The following DEPDC4 variants were observed in gnomAD, a reference collection of about 807,000 sequenced individuals.
DEPDC4 encodes the protein DEP domain-containing protein 4.
A neutral mutation model predicts 52.0 loss-of-function variants in DEPDC4; 52 were observed. That is an observed-to-expected ratio of 1.00 (90% CI 0.80 to 1.26). The LOEUF (loss-of-function observed/expected upper bound fraction) is 1.26. Ranked by LOEUF, DEPDC4 falls within the 50% of genes most tolerant of loss-of-function variation. DEPDC4 has a pLI of 0.00. For missense variants in DEPDC4, 530 were observed against 546.9 expected (o/e 0.97, Z 0.31); for synonymous variants, 201 against 196.8 (o/e 1.02, Z -0.18).
intron 3 of DEPDC4, among the ~76,000 whole-genome samples, chr12:100,259,076 A>AT (rs1287389700): frequency 5.3e-4 from 78 of 148,032 alleles, no homozygotes; most frequent in Middle Eastern, 6.8e-3. Context: ...GTCTCAAAAA[A>AT]AAAAAATATA....
intron 5 of DEPDC4, among the ~76,000 whole-genome samples, chr12:100,253,003 G>A (rs1440206334): frequency 6.6e-6 from 1 of 151,896 alleles, no homozygotes; most frequent in Admixed American, 6.6e-5. Flanking sequence ...TACAAGCTCC[G>A]CCTCCCGAGT....
At chr12:100,271,111 A>G (rs144986610), upstream of DEPDC4, among the ~76,000 whole-genome samples, 3 of 152,258 alleles carry the variant, frequency 2.0e-5, no homozygotes, top group African/African-American at 2.4e-5. Context: ...TGTATAGAAC[A>G]AAGAAGAGCA....
At chr12:100,274,877 C>T in the DEPDC4 span, among the ~76,000 whole-genome samples, 2 of 152,286 alleles carry the variant, frequency 1.3e-5, no homozygotes, top group Admixed American at 1.3e-4. Flanking sequence ...TTAGTAAAGC[C>T]TGTGGATCCC....
intron 7 of DEPDC4, among the ~76,000 whole-genome samples, chr12:100,249,966 G>T (rs1201834950): frequency 6.6e-6 from 1 of 152,142 alleles, no homozygotes; most frequent in South Asian, 2.1e-4. Flanking sequence ...AGAGAAAGAG[G>T]CCAGAGTGAA....
rs1555312802 is a variant in DEPDC4 at position 100,259,081 on chromosome 12, A to AATATATATATATAT, written c.701-2869_701-2856dup. On this transcript the variant is annotated intron_variant, in intron 3 of 9. Coordinates refer to ENST00000550587, the MANE Select transcript of DEPDC4 (RefSeq NM_001364818.2). ...GCAAAAATCTGTCTCAAAAAAAAAA[A>AATATATATATATAT]ATATATATATATATCCCATGTACCC... Among the ~76,000 whole-genome samples, 277 of 149,160 alleles carry AATATATATATATAT rather than the reference A, an allele frequency of 1.9e-3. 1 individual carries two copies. The highest frequency in any genetic ancestry group is 3.4e-3 in the Middle Eastern group (1 of 292).
In DEPDC4 at chr12:100,241,248, C is replaced by T. The variant is rs1475550022; in HGVS notation, c.*644G>A. Among the ~76,000 whole-genome samples, 1 of 152,114 alleles carries T rather than the reference C, an allele frequency of 6.6e-6. No individual in the cohort carries two copies. The highest frequency in any genetic ancestry group is 6.6e-5 in the Admixed American group (1 of 15,264). On this transcript the variant is annotated 3_prime_UTR_variant, in exon 10 of 10. Coordinates refer to ENST00000550587, the MANE Select transcript of DEPDC4 (RefSeq NM_001364818.2). ...TGGAAAAAAAAGGAAATTAACTGTACTAGATCCCTAATAATAGCAGCACAT... is the reference window on the plus strand; with the variant it reads ...TGGAAAAAAAAGGAAATTAACTGTATTAGATCCCTAATAATAGCAGCACAT...
At chr12:100,269,801 A>G (rs2096285352), upstream of DEPDC4, among the ~76,000 whole-genome samples, 2 of 152,164 alleles carry the variant, frequency 1.3e-5, no homozygotes, top group South Asian at 2.1e-4. Flanking sequence ...GAGCTTTCTC[A>G]GGATACAGAT....
chr12:100,261,736 T>C (rs946971529), intron 3 of DEPDC4: 2 of 456,600 alleles, frequency 4.4e-6, no homozygotes, highest in African/African-American at 4.0e-5. Context: ...TCACCTGTCT[T>C]ATCTGATGTA....
chr12:100,244,448 T>C (rs1356578724), intron 8 of DEPDC4, among the ~76,000 whole-genome samples: 2 of 151,822 alleles, frequency 1.3e-5, no homozygotes, highest in African/African-American at 4.8e-5. Flanking sequence ...CCCAAAGTGC[T>C]GGGATTACAG....
chr12:100,270,132 G>A (rs1255823362), upstream of DEPDC4, among the ~76,000 whole-genome samples: 1 of 151,750 alleles, frequency 6.6e-6, no homozygotes, highest in African/African-American at 2.4e-5. Context: ...GACTACAGGC[G>A]CCCACCACCA....
Position 100,241,035 on chromosome 12 carries a change from G to C in DEPDC4, c.*857C>G, listed in dbSNP as rs930249768. On this transcript the variant is annotated 3_prime_UTR_variant, in exon 10 of 10. Coordinates refer to ENST00000550587, the MANE Select transcript of DEPDC4 (RefSeq NM_001364818.2). ...TGCCACTGCACTCCAGCCTGGGACA[G>C]AGCAAGACTCCATTTCAAAAACAAA... Among the ~76,000 whole-genome samples the C allele has an allele frequency of 6.6e-6, 1 of 152,136 alleles. No individual in the cohort carries two copies. Among genetic ancestry groups the C allele is most frequent in the East Asian group, 1.9e-4 (1 of 5,190 alleles).
At chr12:100,267,163 C>A, upstream of DEPDC4, 1 of 1,441,664 alleles carries the variant, frequency 6.9e-7, no homozygotes, top group African/African-American at 1.4e-5. Context: ...ATGCCCCCGG[C>A]CGGCAGGTCT....
At chr12:100,267,570 A>G (rs1023704565), upstream of DEPDC4, 3 of 152,484 alleles carry the variant, frequency 2.0e-5, no homozygotes, top group African/African-American at 2.4e-5. Flanking sequence ...CGGCCGGGCG[A>G]TCGGCGGTCG....
chr12:100,266,888 A>G (rs1198728211), intron 1 of DEPDC4, 32 bp downstream of exon 1: 10 of 1,598,394 alleles, frequency 6.3e-6, no homozygotes, highest in African/African-American at 1.3e-5. Flanking sequence ...CTCCACCTTC[A>G]CTGCACATTT....
At chr12:100,266,274 C>T (rs2096272593) in intron 1 of DEPDC4, among the ~76,000 whole-genome samples, 1 of 152,118 alleles carries the variant, frequency 6.6e-6, no homozygotes, top group Admixed American at 6.5e-5. Flanking sequence ...TAAAAATCCA[C>T]CACCCTCAAA....
At chr12:100,281,076 G>A in the DEPDC4 span, among the ~76,000 whole-genome samples, 5 of 138,132 alleles carry the variant, frequency 3.6e-5, no homozygotes, top group Non-Finnish European at 6.1e-5. Context: ...TCACCCAGGC[G>A]GGAGTGCAGT....
At chr12:100,238,599 C>A (rs1306655899), downstream of DEPDC4, among the ~76,000 whole-genome samples, 1 of 148,556 alleles carries the variant, frequency 6.7e-6, no homozygotes, top group African/African-American at 2.5e-5. Context: ...GATCCTCCTA[C>A]CTTAGCCTCC....
At chr12:100,268,203 C>T (rs75906452), upstream of DEPDC4, among the ~76,000 whole-genome samples, 1 of 152,160 alleles carries the variant, frequency 6.6e-6, no homozygotes, top group Admixed American at 6.5e-5. Context: ...ACGTCAAACT[C>T]AGGAATTATT....
chr12:100,255,954 A>T lies in DEPDC4; in HGVS notation c.878+95T>A, dbSNP rs2096230717. On this transcript the variant is annotated intron_variant, in intron 4 of 9. Coordinates refer to ENST00000550587, the MANE Select transcript of DEPDC4 (RefSeq NM_001364818.2). Reference sequence around the variant, plus strand: ...TATAAAAGAGAGATAGTATAAGCTTATAACATGAATATTTTCTCACATCCT... The same window carrying T: ...TATAAAAGAGAGATAGTATAAGCTTTTAACATGAATATTTTCTCACATCCT... 3.5e-6 allele frequency: 3 copies of T among 868,624 alleles called. No individual in the cohort carries two copies. The African/African-American group carries it at 5.1e-5, about 15-fold the overall frequency. 53.8% of individuals were successfully genotyped at this position (868,624 alleles called of 1,614,324 possible).
Sources: gnomAD v4.1 joint callset for allele counts (sites outside exome capture counted in the v4.1 genomes callset) on GRCh38, gnomAD v4.1.1 for gene constraint, MANE v1.5 for transcripts, NCBI Gene and HGNC (gene_info 2026-07-23, HGNC 2026-07-21) for gene names.